SLC36A1: variants seen among roughly 807,000 people sequenced by gnomAD.
The protein encoded by SLC36A1 is proton-coupled amino acid transporter 1.
Under a neutral mutation model 47.5 loss-of-function variants are expected in SLC36A1, and 30 were observed. The observed-to-expected ratio is 0.63, with a 90% CI of 0.47 to 0.86. The LOEUF is 0.86. Among genes scored for constraint, SLC36A1 ranks in the 40% least tolerant of loss-of-function variants. The pLI is 0.00. For missense variants in SLC36A1, 517 were observed against 606.0 expected (o/e 0.85, Z 1.54); for synonymous variants, 255 against 249.7 (o/e 1.02, Z -0.20).
upstream of SLC36A1, among the ~76,000 whole-genome samples, chr5:151,433,987 C>G (rs1759622112): frequency 6.6e-6 from 1 of 152,100 alleles, no homozygotes; most frequent in African/African-American, 2.4e-5. Context: ...AAGTTTCACT[C>G]TGTTCCACAG....
chr5:151,545,166 C>T, the SLC36A1 span: 14 of 1,614,066 alleles, frequency 8.7e-6, no homozygotes, highest in Non-Finnish European at 1.2e-5. Context: ...CAAGAATCAC[C>T]AGTGCCTTTC....
rs944081403 is a variant in SLC36A1, at chr5:151,464,676, C to T, written c.323+74C>T. ...TTCTGTTATCAACCCTGAAAATGAG[C>T]ACTGATGCAGACCACTCTCAATTCT... On this transcript the variant is annotated intron_variant, in intron 4 of 10. Transcript: ENST00000243389. The T allele has an allele frequency of 4.0e-6, 5 of 1,250,248 alleles. No homozygotes were observed. The African/African-American group carries it at 4.4e-5, about 11-fold the overall frequency. The allele number at this position is 1,250,248 out of a possible 1,614,324, so 77.4% of individuals were successfully genotyped here.
At chr5:151,521,001 C>T in the SLC36A1 span, among the ~76,000 whole-genome samples, 4 of 152,364 alleles carry the variant, frequency 2.6e-5, no homozygotes, top group East Asian at 3.9e-4. Flanking sequence ...CCCATGAAGA[C>T]TGAAGCCACA....
chr5:151,370,409 CTTTT>C, the SLC36A1 span, among the ~76,000 whole-genome samples: 1 of 147,188 alleles, frequency 6.8e-6, no homozygotes, highest in Non-Finnish European at 1.5e-5. Context: ...CTGTTTCTTC[CTTTT>C]TTTTTTTGTT....
At chr5:151,419,933 T>A in the SLC36A1 span, 2 of 152,292 alleles carry the variant, frequency 1.3e-5, no homozygotes, top group Non-Finnish European at 2.9e-5. Flanking sequence ...GCATGGGGGC[T>A]GGCCTCTAGC....
At chr5:151,468,301 T>TATATATAAAAA (rs1554113590) in intron 7 of SLC36A1, among the ~76,000 whole-genome samples, 1 of 93,404 alleles carries the variant, frequency 1.1e-5, no homozygotes, top group African/African-American at 4.0e-5. Flanking sequence ...ATATTTTATA[T>TATATATAAAAA]ATATATATTT....
chr5:151,458,402 G>A (rs1419198422), intron 1 of SLC36A1, among the ~76,000 whole-genome samples: 1 of 149,422 alleles, frequency 6.7e-6, no homozygotes, highest in South Asian at 2.2e-4. Flanking sequence ...CATTATCTCA[G>A]AAAGGAGTAG....
At chr5:151,529,484 C>T in the SLC36A1 span, 2 of 1,042,286 alleles carry the variant, frequency 1.9e-6, no homozygotes, top group Admixed American at 3.8e-5. Flanking sequence ...GGAGAGGCAG[C>T]TCAACAGGGC....
At chr5:151,444,745 A>G (rs1581032366), upstream of SLC36A1, among the ~76,000 whole-genome samples, 2 of 152,334 alleles carry the variant, frequency 1.3e-5, no homozygotes, top group South Asian at 4.1e-4. Context: ...CTGGCCTCCC[A>G]AAGTGCTGGG....
upstream of SLC36A1, chr5:151,437,068 C>G (rs936527265): frequency 2.0e-5 from 3 of 152,232 alleles, no homozygotes; most frequent in Non-Finnish European, 4.4e-5. Context: ...CCGCCTGGGC[C>G]CAACCCTGGA....
the SLC36A1 span, among the ~76,000 whole-genome samples, chr5:151,418,010 T>C: frequency 1.3e-5 from 2 of 152,228 alleles, no homozygotes; most frequent in Non-Finnish European, 2.9e-5. Context: ...GGTGCCAACA[T>C]AGAGCTCAGG....
At chr5:151,373,853 G>A in the SLC36A1 span, among the ~76,000 whole-genome samples, 2 of 152,120 alleles carry the variant, frequency 1.3e-5, no homozygotes, top group Non-Finnish European at 2.9e-5. Context: ...TCCTCCCTGG[G>A]CCTCTCAAAG....
chr5:151,473,734 T>A lies in SLC36A1; in HGVS notation c.785T>A (p.Phe262Tyr). ...CCTTGGAAGACCTACCCTCTCTTCT[T>A]TGGCACAGCGATTTTTTCATTTGAA... ...VAPWKTYPLF[F>Y]GTAIFSFEGI... Residue 262 changes from phenylalanine to tyrosine, a missense_variant, in exon 8 of 11, where the codon TTT becomes TAT. Phe to Tyr is a conservative substitution (Grantham distance 22, BLOSUM62 3). Transcript: ENST00000243389. 1 of 1,614,114 alleles carries A rather than the reference T, an allele frequency of 6.2e-7. No homozygotes were observed. Among genetic ancestry groups the A allele is most frequent in the Non-Finnish European group, 8.5e-7 (1 of 1,179,990 alleles).
At chr5:151,377,206 C>T in the SLC36A1 span, among the ~76,000 whole-genome samples, 2 of 152,084 alleles carry the variant, frequency 1.3e-5, no homozygotes, top group African/African-American at 4.8e-5. Flanking sequence ...GTAGAATGTT[C>T]TGTAAATATT....
chr5:151,467,901 C>G lies in SLC36A1; in HGVS notation c.699C>G (p.Val233=). The G allele has an allele frequency of 6.2e-7, 1 of 1,613,662 alleles. No individual in the cohort carries two copies. The highest frequency in any genetic ancestry group is 2.2e-5 in the East Asian group (1 of 44,834). ...ACATCACCATGCTGGTCAGCTTGGT[C>G]ATGATCTACCAGTTCATTGTTCAGG... is the stretch of plus-strand genomic sequence containing the variant. The part of the protein sequence containing the change: ...LANITMLVSL[V]MIYQFIVQRI... Residue 233 remains valine, a synonymous_variant, in exon 7 of 11, where the codon GTC becomes GTG. Transcript: ENST00000243389.
chr5:151,481,086 T>C (rs1484521434), intron 10 of SLC36A1, among the ~76,000 whole-genome samples: 1 of 152,210 alleles, frequency 6.6e-6, no homozygotes, highest in Non-Finnish European at 1.5e-5. Context: ...TGCAGCACCC[T>C]GCAGGAGACA....
upstream of SLC36A1, among the ~76,000 whole-genome samples, chr5:151,444,980 C>G (rs1310561590): frequency 1.3e-5 from 2 of 151,844 alleles, no homozygotes; most frequent in Non-Finnish European, 2.9e-5. Flanking sequence ...ACTTCCAGTA[C>G]TATGTTGAAT....
At chr5:151,436,794 A>G (rs574572258), upstream of SLC36A1, among the ~76,000 whole-genome samples, 1 of 152,280 alleles carries the variant, frequency 6.6e-6, no homozygotes. Context: ...AAGGACTCTC[A>G]GAGTTGCAAG....
At chr5:151,430,534 C>G in the SLC36A1 span, among the ~76,000 whole-genome samples, 1 of 152,050 alleles carries the variant, frequency 6.6e-6, no homozygotes, top group South Asian at 2.1e-4. Flanking sequence ...CCATGTTGGT[C>G]AGGCTGGTCT....
Sources: allele counts gnomAD v4.1 joint callset (sites outside exome capture counted in the v4.1 genomes callset), GRCh38; gene constraint gnomAD v4.1.1; transcripts MANE v1.5; gene names NCBI Gene and HGNC (gene_info 2026-07-23, HGNC 2026-07-21).